Variants in FBXO30 observed in about 807,000 individuals in gnomAD.
FBXO30 encodes the protein F-box protein 30.
A neutral mutation model predicts 58.1 loss-of-function variants in FBXO30; 21 were observed. The observed-to-expected ratio is 0.36, with a 90% CI of 0.26 to 0.52. The LOEUF is 0.52. Among genes scored for constraint, FBXO30 ranks in the 20% least tolerant of loss-of-function variants. The pLI, the probability that FBXO30 is intolerant of heterozygous loss-of-function variation, is 0.93. For synonymous variants in FBXO30, 309 were observed against 312.4 expected, an observed-to-expected ratio of 0.99 and a Z score of 0.11; for missense variants, 744 against 897.3, an observed-to-expected ratio of 0.83 and a Z score of 2.18.
In FBXO30 at chr6:145,798,530, T is replaced by C. The variant is rs554992090; in HGVS notation, c.*1576A>G. On this transcript the variant is annotated 3_prime_UTR_variant, in exon 3 of 3. Coordinates refer to ENST00000237281, the MANE Select transcript of FBXO30 (RefSeq NM_032145.5). Reference sequence around the variant, plus strand: ...TTTTCTGTTGTTTTTTCCACAGAAATAGAGACTGTTTATTCAATCTCACAG... The same window carrying C: ...TTTTCTGTTGTTTTTTCCACAGAAACAGAGACTGTTTATTCAATCTCACAG... 6.6e-6 allele frequency: 1 copy of C among 152,462 alleles called. No individual in the cohort carries two copies. The highest frequency in any genetic ancestry group is 1.9e-4 in the East Asian group (1 of 5,200). The allele number at this position is 152,462 out of a possible 1,614,324, so 9.4% of individuals were successfully genotyped here. A position where few individuals can be genotyped will look rare whatever the true frequency, so the allele number is the denominator to read the frequency against.
chr6:145,813,632 CAG>C (rs1778397186), intron 1 of FBXO30, among the ~76,000 whole-genome samples: 2 of 152,046 alleles, frequency 1.3e-5, no homozygotes, highest in African/African-American at 4.8e-5. Context: ...AAAGAACAAA[CAG>C]TATTGAAATT....
At chr6:145,807,610 A>C (rs1778213985) in intron 1 of FBXO30, among the ~76,000 whole-genome samples, 1 of 152,206 alleles carries the variant, frequency 6.6e-6, no homozygotes, top group Non-Finnish European at 1.5e-5. Flanking sequence ...ATAGTTCTAT[A>C]AAATAACATG....
intron 1 of FBXO30, among the ~76,000 whole-genome samples, chr6:145,810,531 C>G (rs540434858): frequency 1.3e-5 from 2 of 152,280 alleles, no homozygotes; most frequent in African/African-American, 4.8e-5. Context: ...AAAAGTTTCG[C>G]TGGACCAGAA....
rs1179200228 is a variant in FBXO30 at position 145,805,596 on chromosome 6, T to C, written c.810A>G (p.Leu270=). ...CATAAGAACTTGTATTCAAGTCACATAATAAATCACTTGAACCATTTTGTT... is the reference window on the plus strand; with the variant it reads ...CATAAGAACTTGTATTCAAGTCACACAATAAATCACTTGAACCATTTTGTT... The part of the protein sequence containing the change: ...QSEQNGSSDL[L]CDLNTSSYDT... The change falls in exon 2 of 3, where the codon TTA becomes TTG. Residue 270 remains leucine (L), a synonymous_variant. Coordinates refer to ENST00000237281, the MANE Select transcript of FBXO30 (RefSeq NM_032145.5). 6.2e-7 allele frequency: 1 copy of C among 1,613,768 alleles called. No homozygotes were observed. The highest frequency in any genetic ancestry group is 8.5e-7 in the Non-Finnish European group (1 of 1,179,936).
chr6:145,807,591 A>G (rs971024224), intron 1 of FBXO30, among the ~76,000 whole-genome samples: 44 of 152,244 alleles, frequency 2.9e-4, no homozygotes, highest in African/African-American at 1.0e-3. Context: ...GAGAATTTTA[A>G]GCAGAGAAAT....
chr6:145,806,147 C>T lies in FBXO30; in HGVS notation c.259G>A (p.Val87Met). ...AEHLEMCPASVVCCTMEWNRW... is the reference protein window; with the variant it reads ...AEHLEMCPASMVCCTMEWNRW... ...TTCCATTCCATAGTACAGCACACCA[C>T]ACTTGCAGGACACATTTCTAGATGT... Residue 87 changes from valine to methionine, a missense_variant, in exon 2 of 3, where the codon GTG becomes ATG. By Grantham distance (21) the Val-to-Met change is conservative. This residue lies in a region of FBXO30 where 135 missense variants were observed against 201.6 expected (regional missense o/e 0.67). Transcript: ENST00000237281. The T allele has an allele frequency of 6.2e-7, 1 of 1,614,130 alleles. No individual in the cohort carries two copies.
rs1464823072 is a variant in FBXO30 at position 145,798,483 on chromosome 6, A to G, written c.*1623T>C. 2 of 152,502 alleles carry G rather than the reference A, an allele frequency of 1.3e-5. No individual in the cohort carries two copies. Among genetic ancestry groups the G allele is most frequent in the Admixed American group, 1.3e-4 (2 of 15,230 alleles). 9.4% of individuals were successfully genotyped at this position (152,502 alleles called of 1,614,324 possible). ...GCAAAACTTTAAAAGGCAGAGTTACATTTTATGGTATTTAATATCTCTTTT... is the reference window on the plus strand; with the variant it reads ...GCAAAACTTTAAAAGGCAGAGTTACGTTTTATGGTATTTAATATCTCTTTT... On this transcript the variant is annotated 3_prime_UTR_variant, in exon 3 of 3. Transcript: ENST00000237281.
intron 1 of FBXO30, among the ~76,000 whole-genome samples, chr6:145,809,200 TAAC>T (rs1778267666): frequency 6.6e-6 from 1 of 152,202 alleles, no homozygotes; most frequent in South Asian, 2.1e-4. Flanking sequence ...AAAAGACTAA[TAAC>T]AAACATTTGT....
At position 145,798,954 on chromosome 6, in the gene FBXO30, A is replaced by G. The variant is rs1296420102; in HGVS notation, c.*1152T>C. On this transcript the variant is annotated 3_prime_UTR_variant, in exon 3 of 3. Transcript: ENST00000237281. ...GATATATTCATTTTTTAAGCAGACC[A>G]CATCAGGTTAATAATGGTATAAATC... The G allele has an allele frequency of 1.3e-5, 2 of 152,010 alleles. No individual in the cohort carries two copies. Among genetic ancestry groups the G allele is most frequent in the Non-Finnish European group, 2.9e-5 (2 of 67,966 alleles). The allele number at this position is 152,010 out of a possible 1,614,324, so 9.4% of individuals were successfully genotyped here.
At position 145,804,779 on chromosome 6, in the gene FBXO30, T is replaced by G. The variant is rs191195282; in HGVS notation, c.1627A>C (p.Ile543Leu). Reference sequence around the variant, plus strand: ...ATCCAGCCATTGAGTCCAGCATGAATGTCACCATGCACATTCTTAAAGTGG... The same window carrying G: ...ATCCAGCCATTGAGTCCAGCATGAAGGTCACCATGCACATTCTTAAAGTGG... ...SSHFKNVHGD[I>L]HAGLNGWMEQ... The change falls in exon 2 of 3, where the codon ATT becomes CTT. Residue 543 changes from isoleucine (I) to leucine (L), a missense_variant. Ile to Leu is a conservative substitution (Grantham distance 5, BLOSUM62 2). Transcript: ENST00000237281. 23 of 1,613,888 alleles carry G rather than the reference T, an allele frequency of 1.4e-5. No individual in the cohort carries two copies. In the Admixed American group the frequency reaches 2.7e-4, roughly 19 times the overall value.
At chr6:145,802,957 AAG>A (rs1400486060) in intron 2 of FBXO30, among the ~76,000 whole-genome samples, 1 of 152,084 alleles carries the variant, frequency 6.6e-6, no homozygotes, top group Admixed American at 6.6e-5. Context: ...TTCTCAGACT[AAG>A]AGGGGGAGGA....
Position 145,797,929 on chromosome 6 carries a change from T to C in FBXO30, c.*2177A>G, listed in dbSNP as rs943276962. ...ATGACAACTTTTAGAGCTATAACCATGCTAGAAACTCTTCCGCCTTTCAGT... is the reference window on the plus strand; with the variant it reads ...ATGACAACTTTTAGAGCTATAACCACGCTAGAAACTCTTCCGCCTTTCAGT... On this transcript the variant is annotated 3_prime_UTR_variant, in exon 3 of 3. Coordinates refer to ENST00000237281, the MANE Select transcript of FBXO30 (RefSeq NM_032145.5). 5 of 152,128 alleles carry C rather than the reference T, an allele frequency of 3.3e-5. No homozygotes were observed. The highest frequency in any genetic ancestry group is 1.2e-4 in the African/African-American group (5 of 41,542). The allele number at this position is 152,128 out of a possible 1,614,324, so 9.4% of individuals were successfully genotyped here.
In FBXO30 at chr6:145,814,391, C is replaced by G. The variant is rs1778435371; in HGVS notation, c.-17+212G>C. Among the ~76,000 whole-genome samples, 4 of 152,088 alleles carry G rather than the reference C, an allele frequency of 2.6e-5. No homozygotes were observed. In the South Asian group the frequency reaches 8.3e-4, roughly 31 times the overall value. ...CCGGCGAGGACACGAGCGCGGCGGA[C>G]GCCCTCTCAGGGCGCCCGGACGGCC... is the stretch of plus-strand genomic sequence containing the variant. On this transcript the variant is annotated intron_variant, in intron 1 of 2. Coordinates refer to ENST00000237281, the MANE Select transcript of FBXO30 (RefSeq NM_032145.5).
intron 2 of FBXO30, among the ~76,000 whole-genome samples, chr6:145,801,254 A>G (rs561902519): frequency 1.6e-4 from 24 of 152,230 alleles, no homozygotes; most frequent in East Asian, 5.8e-4. Context: ...TTAGGGAACA[A>G]TTTACACACG....
chr6:145,803,338 G>GA (rs997737940), intron 2 of FBXO30, among the ~76,000 whole-genome samples: 14 of 150,864 alleles, frequency 9.3e-5, no homozygotes, highest in African/African-American at 1.2e-4. Flanking sequence ...TTCCCTTTTG[G>GA]AAAAAAAAAT....
rs1254208637 is a variant in FBXO30 at position 145,793,585 on chromosome 6, A to T, written c.*6521T>A. ...TAAAAGAAACAAAGTATAAAACTATAAAAAAAAACCTTGAAAATTATACAA... is the reference window on the plus strand; with the variant it reads ...TAAAAGAAACAAAGTATAAAACTATTAAAAAAAACCTTGAAAATTATACAA... On this transcript the variant is annotated 3_prime_UTR_variant, in exon 3 of 3. Coordinates refer to ENST00000237281, the MANE Select transcript of FBXO30 (RefSeq NM_032145.5). 4 of 148,926 alleles carry T rather than the reference A, an allele frequency of 2.7e-5. No individual in the cohort carries two copies. The highest frequency in any genetic ancestry group is 3.9e-4 in the East Asian group (2 of 5,160). The allele number at this position is 148,926 out of a possible 1,614,324, so 9.2% of individuals were successfully genotyped here.
At chr6:145,811,200 TTATAA>T (rs910848160) in intron 1 of FBXO30, among the ~76,000 whole-genome samples, 20 of 152,306 alleles carry the variant, frequency 1.3e-4, no homozygotes, top group Non-Finnish European at 2.4e-4. Flanking sequence ...ATACGAAGAA[TTATAA>T]TATAAGAAAA....
Position 145,793,920 on chromosome 6 carries a change from C to T in FBXO30, c.*6186G>A, listed in dbSNP as rs372433313. 5 of 152,092 alleles carry T rather than the reference C, an allele frequency of 3.3e-5. No individual in the cohort carries two copies. The highest frequency in any genetic ancestry group is 4.1e-4 in the South Asian group (2 of 4,832). The allele number at this position is 152,092 out of a possible 1,614,324, so 9.4% of individuals were successfully genotyped here. A position where few individuals can be genotyped will look rare whatever the true frequency, so the allele number is the denominator to read the frequency against. On this transcript the variant is annotated 3_prime_UTR_variant, in exon 3 of 3. Transcript: ENST00000237281. The stretch of plus-strand genomic sequence containing the variant: ...TTGGGCATTTCACAAACGTTGAGAA[C>T]ACTAGTTTTTGGCTTTGGTAATGAT...
At chr6:145,806,883 T>C (rs1778188921) in intron 1 of FBXO30, among the ~76,000 whole-genome samples, 1 of 152,236 alleles carries the variant, frequency 6.6e-6, no homozygotes, top group Non-Finnish European at 1.5e-5. Flanking sequence ...CATGAATATA[T>C]TTAAAACTTT....
Sources: gnomAD v4.1 joint callset for allele counts (sites outside exome capture counted in the v4.1 genomes callset) on GRCh38, gnomAD v4.1.1 for gene constraint, gnomAD v4.1.1 regional missense constraint, MANE v1.5 for transcripts, NCBI Gene and HGNC (gene_info 2026-07-23, HGNC 2026-07-21) for gene names.